The following OTOGL variants were observed in gnomAD, a reference collection of about 807,000 sequenced individuals.
The protein encoded by OTOGL is otogelin-like protein.
OTOGL carries 285 observed loss-of-function variants against 318.5 expected under a neutral mutation model. The observed-to-expected ratio is 0.89, with a 90% CI of 0.81 to 0.99. The LOEUF is 0.99. OTOGL is among the 50% of genes least tolerant of loss of function. The pLI, the probability that OTOGL is intolerant of heterozygous loss-of-function variation, is 0.00. For synonymous variants in OTOGL, 987 were observed against 936.5 expected, an observed-to-expected ratio of 1.05 and a Z score of -0.99; for missense variants, 2,899 against 2,845.6, an observed-to-expected ratio of 1.02 and a Z score of -0.43.
intron 30 of OTOGL, among the ~76,000 whole-genome samples, chr12:80,311,115 G>GT (rs1480946346): frequency 1.3e-5 from 2 of 152,154 alleles, no homozygotes; most frequent in Non-Finnish European, 2.9e-5. Flanking sequence ...CATTTGAAAT[G>GT]TTTTTAGAAG....
At chr12:80,207,267 T>C (rs1876878971) in intron 1 of OTOGL, among the ~76,000 whole-genome samples, 1 of 152,170 alleles carries the variant, frequency 6.6e-6, no homozygotes, top group Non-Finnish European at 1.5e-5. Context: ...AATGGCACGA[T>C]CTCTGCTCAC....
Position 80,255,117 on chromosome 12 carries a change from T to C in OTOGL, c.1519T>C (p.Tyr507His), listed in dbSNP as rs1881920134. Residue 507 changes from tyrosine to histidine, a missense_variant, in exon 16 of 59, where the codon TAC becomes CAC. This residue lies in a region of OTOGL where 2,607 missense variants were observed against 2,524.9 expected (regional missense o/e 1.03). Transcript: ENST00000547103. ...TTATTCTTTTATTGGCATGTGCCAA[T>C]ACATCCTCGTGAAAGGAACTGGAAA... The part of the protein sequence containing the change: ...RHYSFIGMCQ[Y>H]ILVKGTGKDK... 6.6e-7 allele frequency: 1 copy of C among 1,524,738 alleles called. No homozygotes were observed. The highest frequency in any genetic ancestry group is 8.8e-7 in the Non-Finnish European group (1 of 1,138,680). The allele number at this position is 1,524,738 out of a possible 1,614,324, so 94.5% of individuals were successfully genotyped here.
chr12:80,162,006 C>T (rs950455110), intron 1 of OTOGL, among the ~76,000 whole-genome samples: 4 of 152,134 alleles, frequency 2.6e-5, no homozygotes, highest in Non-Finnish European at 5.9e-5. Flanking sequence ...ACAGAAACTG[C>T]TATTTTCATA....
At position 80,233,066 on chromosome 12, in the gene OTOGL, C is replaced by T. The variant is rs1879518215; in HGVS notation, c.786C>T (p.Asp262=). ...GTGGCCTATGTGGAAACTACAATGACATTCAATCTGATGATTTCATAATTC... is the reference window on the plus strand; with the variant it reads ...GTGGCCTATGTGGAAACTACAATGATATTCAATCTGATGATTTCATAATTC... ...KSCGLCGNYN[D]IQSDDFIILQ... is the part of the protein sequence containing the mutation. Residue 262 remains aspartate, a synonymous_variant, in exon 9 of 59, where the codon GAC becomes GAT. Transcript: ENST00000547103. The T allele has an allele frequency of 1.3e-6, 2 of 1,596,724 alleles. No individual in the cohort carries two copies. Among genetic ancestry groups the T allele is most frequent in the Non-Finnish European group, 1.7e-6 (2 of 1,177,342 alleles).
intron 35 of OTOGL, among the ~76,000 whole-genome samples, chr12:80,325,241 A>G (rs1303229709): frequency 1.3e-5 from 2 of 152,090 alleles, no homozygotes; most frequent in Non-Finnish European, 2.9e-5. Context: ...TGTTGCCAAT[A>G]GGTAAGATCC....
chr12:80,197,656 G>A (rs1876170164), intron 1 of OTOGL, among the ~76,000 whole-genome samples: 1 of 152,208 alleles, frequency 6.6e-6, no homozygotes, highest in African/African-American at 2.4e-5. Flanking sequence ...TTACAGCTCT[G>A]AAGCAGAGGC....
chr12:80,333,338 T>C (rs1258707184), intron 38 of OTOGL, among the ~76,000 whole-genome samples: 1 of 151,256 alleles, frequency 6.6e-6, no homozygotes, highest in African/African-American at 2.4e-5. Flanking sequence ...TTATCTAGTA[T>C]GGATTTATCT....
intron 1 of OTOGL, among the ~76,000 whole-genome samples, chr12:80,204,284 C>T (rs565600902): frequency 6.6e-6 from 1 of 152,196 alleles, no homozygotes; most frequent in South Asian, 2.1e-4. Flanking sequence ...ATCAATCTTG[C>T]CAATATAGGG....
At position 80,178,214 on chromosome 12, in the gene OTOGL, C is replaced by T. The variant is rs80312955; in HGVS notation, c.-19-31199C>T. Among the ~76,000 whole-genome samples the T allele has an allele frequency of 5.5e-3, 828 of 151,746 alleles. 10 individuals are homozygous for T. Among genetic ancestry groups the T allele is most frequent in the African/African-American group, 0.019 (791 of 41,392 alleles). ...TAGCTGGGATTACAGACACCTACCA[C>T]CATGCCCGGCTAATTTTTGTATTTT... is the stretch of plus-strand genomic sequence containing the variant. On this transcript the variant is annotated intron_variant, in intron 1 of 58. Coordinates refer to ENST00000547103, the MANE Select transcript of OTOGL (RefSeq NM_001378609.3).
At chr12:80,102,797 G>T (rs1326643429) in intron 1 of OTOGL, 1 of 621,870 alleles carries the variant, frequency 1.6e-6, no homozygotes, top group Non-Finnish European at 2.8e-6. Context: ...GTTTCCCAGA[G>T]TTGTCTCTTA....
intron 19 of OTOGL, among the ~76,000 whole-genome samples, chr12:80,264,694 T>G (rs1010594264): frequency 4.6e-5 from 7 of 152,162 alleles, no homozygotes; most frequent in Non-Finnish European, 7.4e-5. Flanking sequence ...CAATTCTTTA[T>G]AGTAGGTTTC....
intron 2 of OTOGL, 119 bp from the exon 3 acceptor site, chr12:80,210,728 A>G: frequency 1.4e-6 from 1 of 737,314 alleles, no homozygotes; most frequent in South Asian, 2.9e-5. Flanking sequence ...TGCAAAACTA[A>G]CAGCAAACTT....
At chr12:80,266,791 G>C (rs1410247055) in intron 21 of OTOGL, among the ~76,000 whole-genome samples, 175 bp downstream of exon 21, 1 of 151,998 alleles carries the variant, frequency 6.6e-6, no homozygotes, top group African/African-American at 2.4e-5. Context: ...AGGAATCTCT[G>C]ATGGTTGATC....
At chr12:80,260,144 G>A (rs1882409406) in intron 18 of OTOGL, among the ~76,000 whole-genome samples, 1 of 152,086 alleles carries the variant, frequency 6.6e-6, no homozygotes, top group South Asian at 2.1e-4. Flanking sequence ...AGAATGTTTA[G>A]TGGGGCATCA....
At chr12:80,366,511 T>TTTTATATATATATATA (rs1555304841) in intron 52 of OTOGL, 63 bp from the exon 53 acceptor site, 5 of 176,348 alleles carry the variant, frequency 2.8e-5, no homozygotes, top group South Asian at 1.9e-4. Flanking sequence ...TATATATAGG[T>TTTTATATATATATATA]TATATATATA....
chr12:80,350,059 T>C (rs1156738460), intron 44 of OTOGL, among the ~76,000 whole-genome samples: 3 of 152,198 alleles, frequency 2.0e-5, no homozygotes, highest in Non-Finnish European at 4.4e-5. Context: ...TTTAACAACA[T>C]CTTCCCATCA....
At chr12:80,331,552 C>T (rs1185719931) in intron 37 of OTOGL, among the ~76,000 whole-genome samples, 1 of 151,888 alleles carries the variant, frequency 6.6e-6, no homozygotes, top group Admixed American at 6.6e-5. Flanking sequence ...GTTGGCCAGG[C>T]TGGTCTTGAA....
chr12:80,205,366 A>G (rs1221917238), intron 1 of OTOGL, among the ~76,000 whole-genome samples: 1 of 152,234 alleles, frequency 6.6e-6, no homozygotes, highest in Non-Finnish European at 1.5e-5. Context: ...GCAAGTTGAA[A>G]AACAAATGTC....
chr12:80,308,936 CG>C (rs1886436756), intron 29 of OTOGL, among the ~76,000 whole-genome samples: 1 of 151,894 alleles, frequency 6.6e-6, no homozygotes, highest in East Asian at 1.9e-4. Flanking sequence ...AGCTTCGGCT[CG>C]GCATCAGAGG....
Sources: allele counts gnomAD v4.1 joint callset (sites outside exome capture counted in the v4.1 genomes callset), GRCh38; gene constraint gnomAD v4.1.1; regional missense constraint gnomAD v4.1.1; transcripts MANE v1.5; gene names NCBI Gene and HGNC (gene_info 2026-07-23, HGNC 2026-07-21).